MRPL46: variants seen among roughly 807,000 people sequenced by gnomAD.
The protein encoded by MRPL46 is large ribosomal subunit protein mL46.
In MRPL46, 26 loss-of-function variants were observed where a neutral mutation model predicts 31.0. The observed-to-expected ratio is 0.84, with a 90% CI of 0.61 to 1.16. The LOEUF is 1.16. Among genes scored for constraint, MRPL46 ranks in the 50% most tolerant of loss-of-function variants. The pLI is 0.00. For synonymous variants in MRPL46, 159 were observed against 141.3 expected (o/e 1.13, Z -0.89); for missense variants, 395 against 340.0 (o/e 1.16, Z -1.27).
intron 2 of MRPL46, 70 bp from the exon 3 acceptor site, chr15:88,464,946 CA>C: frequency 1.3e-6 from 2 of 1,522,712 alleles, no homozygotes; most frequent in Non-Finnish European, 1.8e-6. Context: ...TGGAGTTTTA[CA>C]ATCTTCCTTT....
In MRPL46 at chr15:88,463,560, A is replaced by T. The variant is rs1358179183; in HGVS notation, c.589+1143T>A. 6.6e-6 allele frequency: 1 copy of T among 152,238 alleles called. No individual in the cohort carries two copies. The highest frequency in any genetic ancestry group is 1.5e-5 in the Non-Finnish European group (1 of 68,048). The allele number at this position is 152,238 out of a possible 1,614,324, so 9.4% of individuals were successfully genotyped here. On this transcript the variant is annotated intron_variant, in intron 3 of 3. Coordinates refer to ENST00000312475, the MANE Select transcript of MRPL46 (RefSeq NM_022163.4). The surrounding 1 kb of genome is among the most constrained non-coding windows in gnomAD (Gnocchi z 5.4). ...TGTTGCATAAATGGAATAAGGACAC[A>T]CACCAGTGCTACGGGAGCCTAGAGA...
chr15:88,466,626 G>A (rs1235004832), intron 1 of MRPL46, among the ~76,000 whole-genome samples: 2 of 152,168 alleles, frequency 1.3e-5, no homozygotes, highest in East Asian at 1.9e-4. Flanking sequence ...AACAGACCAA[G>A]ACAAAAACAT....
chr15:88,465,588 T>A lies in MRPL46; in HGVS notation c.414A>T (p.Thr138=). The A allele has an allele frequency of 6.3e-7, 1 of 1,597,834 alleles. No homozygotes were observed. Residue 138 remains threonine, a splice_region_variant and synonymous_variant, in exon 2 of 4, where the codon ACA becomes ACT. Transcript: ENST00000312475. ...FLQFKLGARI[T]EADEKNDRTS... ...TGGCTGGCCTAAAAGGATCACAACC[T>A]GTTATGCGAGCTCCAAGTTTGAACT...
rs759215118 is a variant in MRPL46, at chr15:88,459,606, C to T, written c.*7G>A. The T allele has an allele frequency of 7.4e-6, 12 of 1,613,534 alleles. No individual in the cohort carries two copies. The highest frequency in any genetic ancestry group is 6.7e-5 in the East Asian group (3 of 44,902). ...GTCTGAGCACCGTCCACAGGCAGCT[C>T]GGCCCATCAGAGGTCTGAAACAAAC... On this transcript the variant is annotated 3_prime_UTR_variant, in exon 4 of 4. Coordinates refer to ENST00000312475, the MANE Select transcript of MRPL46 (RefSeq NM_022163.4).
intron 2 of MRPL46, chr15:88,465,248 A>C (rs566862986): frequency 2.4e-6 from 1 of 418,258 alleles, no homozygotes; most frequent in Admixed American, 4.1e-5. Context: ...CAAGGAAAAC[A>C]GAACTCAATC....
rs777841941 is a variant in MRPL46, at chr15:88,467,186, G to A, written c.192C>T (p.Thr64=). The stretch of plus-strand genomic sequence containing the variant: ...GAGACGCCATCTCTTCCTGCAATGG[G>A]GTCAACGGCTTGGAGACTACAGGTG... ...QRPPVVSKPL[T]PLQEEMASLL... The change falls in exon 1 of 4, where the codon ACC becomes ACT. Residue 64 remains threonine, a synonymous_variant. Transcript: ENST00000312475. The A allele has an allele frequency of 1.2e-5, 19 of 1,614,016 alleles. No homozygotes were observed. The highest frequency in any genetic ancestry group is 1.6e-5 in the Non-Finnish European group (19 of 1,180,036).
At position 88,467,242 on chromosome 15, in the gene MRPL46, G is replaced by A. The variant is rs781001525; in HGVS notation, c.136C>T (p.Arg46Cys). 6.8e-6 allele frequency: 11 copies of A among 1,614,004 alleles called. No individual in the cohort carries two copies. Among genetic ancestry groups the A allele is most frequent in the South Asian group, 1.1e-5 (1 of 91,092 alleles). ...TGCAGGCACAACGCGCCCAACAAGCGCCATGGGGATCCGTTGCTTGAGGGT... is the reference window on the plus strand; with the variant it reads ...TGCAGGCACAACGCGCCCAACAAGCACCATGGGGATCCGTTGCTTGAGGGT... ...AAPSSNGSPW[R>C]LLGALCLQRP... The change falls in exon 1 of 4, where the codon CGC (arginine) becomes TGC (cysteine). Residue 46 changes from arginine (R) to cysteine (C), a missense_variant. By Grantham distance (180) the Arg-to-Cys change is radical. Coordinates refer to ENST00000312475, the MANE Select transcript of MRPL46 (RefSeq NM_022163.4).
chr15:88,460,834 C>A (rs1456173672), intron 3 of MRPL46: 2 of 152,080 alleles, frequency 1.3e-5, no homozygotes, highest in Non-Finnish European at 2.9e-5. Flanking sequence ...CTCCTGGGTT[C>A]AAAGGATTCT....
chr15:88,464,923 G>A, intron 2 of MRPL46, 47 bp from the exon 3 acceptor site: 2 of 1,567,342 alleles, frequency 1.3e-6, no homozygotes, highest in Non-Finnish European at 1.7e-6. Context: ...TGATCTGCCA[G>A]AACCAAGAAA....
chr15:88,465,047 T>C (rs2055511244), intron 2 of MRPL46, 171 bp from the exon 3 acceptor site: 2 of 607,502 alleles, frequency 3.3e-6, no homozygotes, highest in African/African-American at 1.9e-5. Flanking sequence ...GGGAAGAGTC[T>C]CACAATCTTG....
At chr15:88,466,522 T>C (rs771082001) in intron 1 of MRPL46, among the ~76,000 whole-genome samples, 11 of 152,192 alleles carry the variant, frequency 7.2e-5, no homozygotes, top group Non-Finnish European at 1.5e-4. Context: ...ATGGGCACAA[T>C]GAACATCTGT....
Position 88,467,323 on chromosome 15 carries a change from A to G in MRPL46, c.55T>C (p.Phe19Leu), listed in dbSNP as rs76585878. 3.1e-6 allele frequency: 5 copies of G among 1,605,834 alleles called. No homozygotes were observed. In the Admixed American group the frequency reaches 6.8e-5, roughly 22 times the overall value. ...LLGVAGGWRR[F>L]ERLWAGSLSS... ...AGACTGCCGGCCCAGAGCCTCTCGA[A>G]CCGCCGCCAACCCCCCGCCACCCCT... Residue 19 changes from phenylalanine (F) to leucine (L), a missense_variant, in exon 1 of 4, where the codon TTC (phenylalanine) becomes CTC (leucine). Phe to Leu is a conservative substitution (Grantham distance 22). Coordinates refer to ENST00000312475, the MANE Select transcript of MRPL46 (RefSeq NM_022163.4).
chr15:88,461,601 G>A (rs2055477844), intron 3 of MRPL46: 3 of 152,120 alleles, frequency 2.0e-5, no homozygotes, highest in Admixed American at 6.5e-5. Context: ...TGCTTATGAA[G>A]GATAAGGAAA....
intron 2 of MRPL46, 116 bp downstream of exon 2, chr15:88,465,471 G>A: frequency 8.9e-7 from 1 of 1,122,266 alleles, no homozygotes; most frequent in Non-Finnish European, 1.2e-6. Context: ...ACAAAGAAAA[G>A]AATATGAAAT....
At chr15:88,462,626 T>C (rs943674035) in intron 3 of MRPL46, 1 of 152,222 alleles carries the variant, frequency 6.6e-6, no homozygotes, top group Admixed American at 6.5e-5. Flanking sequence ...GTTATATACA[T>C]TCTGGAGGGC....
At chr15:88,460,080 C>T (rs2055463667) in intron 3 of MRPL46, 1 of 580,978 alleles carries the variant, frequency 1.7e-6, no homozygotes, top group Admixed American at 3.1e-5. Context: ...AGGCTCACTC[C>T]CATGTGCCAA....
chr15:88,464,661 G>A (rs771370040), intron 3 of MRPL46, 42 bp downstream of exon 3: 1 of 1,570,684 alleles, frequency 6.4e-7, no homozygotes, highest in Admixed American at 1.7e-5. Context: ...GGCTGAGTCT[G>A]AAGTGAATTT....
intron 1 of MRPL46, 93 bp from the exon 2 acceptor site, chr15:88,465,866 T>C (rs1028424574): frequency 4.3e-5 from 52 of 1,219,896 alleles, no homozygotes; most frequent in Admixed American, 1.4e-4. Context: ...CATGGCACAC[T>C]TGGCAAGCTC....
At chr15:88,465,046 C>A in intron 2 of MRPL46, 170 bp from the exon 3 acceptor site, 1 of 609,806 alleles carries the variant, frequency 1.6e-6, no homozygotes, top group Non-Finnish European at 2.6e-6. Context: ...AGGGAAGAGT[C>A]TCACAATCTT....
Sources: gnomAD v4.1 joint callset for allele counts (sites outside exome capture counted in the v4.1 genomes callset) on GRCh38, gnomAD v4.1.1 for gene constraint, Gnocchi (gnomAD v3.1) non-coding constraint, MANE v1.5 for transcripts, NCBI Gene and HGNC (gene_info 2026-07-23, HGNC 2026-07-21) for gene names.